ATP8B1: variants seen among roughly 807,000 people sequenced by gnomAD.
ATP8B1 encodes the protein ATPase phospholipid transporting 8B1.
ATP8B1 carries 80 observed loss-of-function variants against 149.9 expected under a neutral mutation model. The observed-to-expected ratio is 0.53, with a 90% CI of 0.45 to 0.64. ATP8B1 has a LOEUF of 0.64. ATP8B1 is among the 30% of genes least tolerant of loss of function. The probability of loss-of-function intolerance (pLI) is 0.00; values close to 1 mark genes in which losing one functional copy is unlikely to be tolerated. For missense variants in ATP8B1, 1,247 were observed against 1,552.6 expected (o/e 0.80, Z 3.31); for synonymous variants, 536 against 562.8 (o/e 0.95, Z 0.67).
intron 1 of ATP8B1, among the ~76,000 whole-genome samples, chr18:57,774,845 C>A (rs1209388873): frequency 6.6e-6 from 1 of 152,124 alleles, no homozygotes; most frequent in Non-Finnish European, 1.5e-5. Flanking sequence ...TTTATTTTTC[C>A]TTGCATATAT....
chr18:57,770,066 C>CT (rs1568063958), intron 1 of ATP8B1, among the ~76,000 whole-genome samples: 304 of 103,590 alleles, frequency 2.9e-3, no homozygotes, highest in African/African-American at 0.01. Context: ...TGCTGAACTG[C>CT]ATTTTTTTTT....
intron 8 of ATP8B1, among the ~76,000 whole-genome samples, chr18:57,697,060 A>G (rs1158865379): frequency 6.6e-6 from 1 of 152,166 alleles, no homozygotes; most frequent in Non-Finnish European, 1.5e-5. Flanking sequence ...CAGGAGTTCG[A>G]GACCAGCCTG....
At chr18:57,794,671 G>A (rs1462470921) in intron 1 of ATP8B1, among the ~76,000 whole-genome samples, 2 of 152,064 alleles carry the variant, frequency 1.3e-5, no homozygotes, top group African/African-American at 2.4e-5. Flanking sequence ...TGTAATCCCA[G>A]CTACTTGGGA....
intron 8 of ATP8B1, among the ~76,000 whole-genome samples, chr18:57,696,777 A>G (rs1912838252): frequency 6.6e-6 from 1 of 152,244 alleles, no homozygotes; most frequent in South Asian, 2.1e-4. Flanking sequence ...CTCATGGGTA[A>G]TACAGACGAA....
intron 1 of ATP8B1, among the ~76,000 whole-genome samples, chr18:57,756,347 C>T (rs1286720486): frequency 7.1e-6 from 1 of 140,704 alleles, no homozygotes; most frequent in African/African-American, 2.7e-5. Flanking sequence ...GTCACCCAGG[C>T]TGGAGTGCAG....
chr18:57,751,319 A>C (rs550060003), intron 1 of ATP8B1, among the ~76,000 whole-genome samples: 1 of 152,066 alleles, frequency 6.6e-6, no homozygotes, highest in Non-Finnish European at 1.5e-5. Context: ...CCACAGCTGT[A>C]CAAAATATAT....
rs760611716 is a variant in ATP8B1 at position 57,713,157 on chromosome 18, C to CTCTTTCTTTCTT, written c.182-6582_182-6571dup. Among the ~76,000 whole-genome samples the CTCTTTCTTTCTT allele has an allele frequency of 7.2e-3, 659 of 91,970 alleles. 18 individuals carry two copies. The highest frequency in any genetic ancestry group is 0.01 in the African/African-American group (214 of 20,878). The allele number at this position is 91,970 out of a possible 152,430, so 60.3% of individuals were successfully genotyped here. On this transcript the variant is annotated intron_variant, in intron 2 of 27. Transcript: ENST00000648908. ...GTGCTTTGTCTTGCTCTTGATCTTTCTCTTTCTTTCTTTCTTTCTTTCTTT... is the reference window on the plus strand; with the variant it reads ...GTGCTTTGTCTTGCTCTTGATCTTTCTCTTTCTTTCTTTCTTTCTTTCTTTCTTTCTTTCTTT...
At chr18:57,758,879 C>T (rs976861660) in intron 1 of ATP8B1, among the ~76,000 whole-genome samples, 4 of 151,920 alleles carry the variant, frequency 2.6e-5, no homozygotes, top group East Asian at 3.9e-4. Context: ...ATCCATAGGC[C>T]GGGCATGGTA....
chr18:57,719,548 A>ATT (rs2079618243), intron 2 of ATP8B1, among the ~76,000 whole-genome samples: 1 of 152,228 alleles, frequency 6.6e-6, no homozygotes, highest in South Asian at 2.1e-4. Context: ...TGCGCTTTTC[A>ATT]GACCGGCTTG....
chr18:57,788,207 T>G (rs1359006119), intron 1 of ATP8B1, among the ~76,000 whole-genome samples: 2 of 152,152 alleles, frequency 1.3e-5, no homozygotes, highest in African/African-American at 4.8e-5. Flanking sequence ...GGCATGGAAT[T>G]ACAATGAGAG....
At chr18:57,727,191 G>A (rs948734712) in intron 2 of ATP8B1, among the ~76,000 whole-genome samples, 4 of 152,154 alleles carry the variant, frequency 2.6e-5, no homozygotes, top group Non-Finnish European at 4.4e-5. Flanking sequence ...TCACCCTGCG[G>A]CTTTACAAGC....
chr18:57,772,323 T>C (rs756468552), intron 1 of ATP8B1, among the ~76,000 whole-genome samples: 6 of 152,120 alleles, frequency 3.9e-5, no homozygotes, highest in Admixed American at 3.3e-4. Context: ...GGATGCTGAG[T>C]TGGCCTTGAA....
intron 20 of ATP8B1, among the ~76,000 whole-genome samples, chr18:57,666,509 C>T (rs556081661): frequency 3.4e-5 from 5 of 145,458 alleles, no homozygotes; most frequent in East Asian, 4.1e-4. Context: ...AGGCTTTTTA[C>T]GGAATTTTTA....
chr18:57,730,677 T>A (rs1322415214), intron 2 of ATP8B1, among the ~76,000 whole-genome samples: 1 of 152,160 alleles, frequency 6.6e-6, no homozygotes, highest in African/African-American at 2.4e-5. Context: ...ACACTCAACA[T>A]TGGCAGAGAC....
chr18:57,776,826 C>T (rs540020649), intron 1 of ATP8B1, among the ~76,000 whole-genome samples: 3 of 152,252 alleles, frequency 2.0e-5, no homozygotes, highest in East Asian at 1.9e-4. Context: ...TTTTCACCCC[C>T]CTTCCCTCAA....
intron 2 of ATP8B1, among the ~76,000 whole-genome samples, chr18:57,726,236 C>CAA (rs2079706399): frequency 6.6e-6 from 1 of 151,922 alleles, no homozygotes; most frequent in African/African-American, 2.4e-5. Context: ...CAAACAAAAA[C>CAA]AAACAACAAC....
intron 17 of ATP8B1, among the ~76,000 whole-genome samples, chr18:57,669,809 C>G (rs947041233): frequency 1.3e-5 from 2 of 152,092 alleles, no homozygotes; most frequent in Non-Finnish European, 2.9e-5. Flanking sequence ...ACCACCACGC[C>G]TGGTAATTTT....
intron 1 of ATP8B1, among the ~76,000 whole-genome samples, chr18:57,800,305 G>A (rs1004319388): frequency 6.6e-6 from 1 of 151,948 alleles, no homozygotes; most frequent in Non-Finnish European, 1.5e-5. Flanking sequence ...GATCAGCCTG[G>A]GCAACATAAC....
At chr18:57,733,519 A>G (rs1465693975) in intron 1 of ATP8B1, among the ~76,000 whole-genome samples, 1 of 152,138 alleles carries the variant, frequency 6.6e-6, no homozygotes, top group Non-Finnish European at 1.5e-5. Context: ...ATCCTGGCTA[A>G]CACAGTGAAA....
Sources: gnomAD v4.1 joint callset for allele counts (sites outside exome capture counted in the v4.1 genomes callset) on GRCh38, gnomAD v4.1.1 for gene constraint, MANE v1.5 for transcripts, NCBI Gene and HGNC (gene_info 2026-07-23, HGNC 2026-07-21) for gene names.